GALNT16: variants seen among roughly 807,000 people sequenced by gnomAD.
The protein encoded by GALNT16 is UDP-GalNAc:polypeptide N-acetylgalactosaminyltransferase-like protein 1.
In GALNT16, 40 loss-of-function variants were observed where a neutral mutation model predicts 76.1. The ratio of observed to expected loss-of-function variants is 0.53; its 90% CI spans 0.41 to 0.68. The LOEUF is 0.68. Among genes scored for constraint, GALNT16 ranks in the 30% least tolerant of loss-of-function variants. GALNT16 has a pLI of 0.00. For synonymous variants in GALNT16, 276 were observed against 285.2 expected, an observed-to-expected ratio of 0.97 and a Z score of 0.32; for missense variants, 621 against 731.9, an observed-to-expected ratio of 0.85 and a Z score of 1.75.
intron 2 of GALNT16, among the ~76,000 whole-genome samples, chr14:69,322,925 G>GTGTGT (rs1555400138): frequency 2.9e-5 from 3 of 103,858 alleles, no homozygotes; most frequent in African/African-American, 7.8e-5. Flanking sequence ...TGGCTCACGG[G>GTGTGT]GTGTGTGTGT....
At chr14:69,314,934 C>A (rs2045079682) in intron 1 of GALNT16, among the ~76,000 whole-genome samples, 2 of 152,014 alleles carry the variant, frequency 1.3e-5, no homozygotes, top group African/African-American at 4.8e-5. Context: ...GTTTTACTGG[C>A]AGTAAAAGAA....
In GALNT16 at chr14:69,352,913, G is replaced by A. The variant is rs1393864952; in HGVS notation, c.*745G>A. On this transcript the variant is annotated 3_prime_UTR_variant, in exon 15 of 15. Coordinates refer to ENST00000448469, the MANE Select transcript of GALNT16 (RefSeq NM_001168368.2). ...CTGCCTCTTCCGGTCCTGTGCCTGTGGGTGCCCACATTCTTAGCAAGAGGC... is the reference window on the plus strand; with the variant it reads ...CTGCCTCTTCCGGTCCTGTGCCTGTAGGTGCCCACATTCTTAGCAAGAGGC... 6.6e-6 allele frequency among the ~76,000 whole-genome samples: 1 copy of A among 152,232 alleles called. No homozygotes were observed. The highest frequency in any genetic ancestry group is 1.5e-5 in the Non-Finnish European group (1 of 68,042).
intron 1 of GALNT16, among the ~76,000 whole-genome samples, chr14:69,305,248 C>G (rs1448027600): frequency 6.8e-6 from 1 of 147,748 alleles, no homozygotes; most frequent in Non-Finnish European, 1.5e-5. Flanking sequence ...ACTGAAATCT[C>G]TGCCTCCCCA....
At chr14:69,318,807 G>A (rs1322985480) in intron 1 of GALNT16, among the ~76,000 whole-genome samples, 1 of 152,194 alleles carries the variant, frequency 6.6e-6, no homozygotes, top group Non-Finnish European at 1.5e-5. Flanking sequence ...TGGAGGCTCC[G>A]TTCCATTTCC....
downstream of GALNT16, chr14:69,355,531 C>G (rs2045686737): frequency 6.6e-6 from 1 of 152,516 alleles, no homozygotes; most frequent in Non-Finnish European, 1.5e-5. Context: ...AGGCTCTCTC[C>G]TCTTGCTTGC....
chr14:69,381,767 C>A, the GALNT16 span, among the ~76,000 whole-genome samples: 1 of 152,310 alleles, frequency 6.6e-6, no homozygotes, highest in East Asian at 1.9e-4. Context: ...TGGCTCACTG[C>A]AACCTCTGCC....
At chr14:69,342,854 G>A (rs2045512635) in intron 12 of GALNT16, among the ~76,000 whole-genome samples, 1 of 152,124 alleles carries the variant, frequency 6.6e-6, no homozygotes, top group Non-Finnish European at 1.5e-5. Flanking sequence ...CCTTCCCAGG[G>A]AGACTTTCCC....
chr14:69,264,651 T>C (rs1658481509), intron 1 of GALNT16, among the ~76,000 whole-genome samples: 1 of 152,124 alleles, frequency 6.6e-6, no homozygotes, highest in South Asian at 2.1e-4. Flanking sequence ...ATGATTTGCC[T>C]AAATATAATA....
intron 1 of GALNT16, among the ~76,000 whole-genome samples, chr14:69,320,009 C>T (rs61408451): frequency 2.6e-5 from 4 of 152,224 alleles, no homozygotes; most frequent in Non-Finnish European, 4.4e-5. Flanking sequence ...AATCTGCAGG[C>T]GCTTGGCAGC....
At chr14:69,319,328 G>C (rs1221382908) in intron 1 of GALNT16, among the ~76,000 whole-genome samples, 1 of 152,248 alleles carries the variant, frequency 6.6e-6, no homozygotes, top group Non-Finnish European at 1.5e-5. Context: ...CTGAGCTGCT[G>C]GTGACAGTCC....
At chr14:69,327,247 G>A (rs1185467231) in intron 5 of GALNT16, among the ~76,000 whole-genome samples, 1 of 152,228 alleles carries the variant, frequency 6.6e-6, no homozygotes, top group Non-Finnish European at 1.5e-5. Flanking sequence ...CTACTCAGGA[G>A]GCTGAGGCAG....
chr14:69,302,793 C>A (rs980352634), intron 1 of GALNT16, among the ~76,000 whole-genome samples: 1 of 152,068 alleles, frequency 6.6e-6, no homozygotes, highest in Non-Finnish European at 1.5e-5. Context: ...AACTATATCC[C>A]AATTTGAATT....
At chr14:69,326,663 C>T (rs1319317458) in intron 5 of GALNT16, among the ~76,000 whole-genome samples, 2 of 152,156 alleles carry the variant, frequency 1.3e-5, no homozygotes, top group Admixed American at 1.3e-4. Flanking sequence ...GGCATGCCAG[C>T]TTGTGCACTC....
At chr14:69,294,248 A>G (rs569823260) in intron 1 of GALNT16, among the ~76,000 whole-genome samples, 2 of 152,052 alleles carry the variant, frequency 1.3e-5, no homozygotes, top group South Asian at 4.2e-4. Context: ...CAGCCTCCCA[A>G]GTAGCTGGGA....
chr14:69,372,491 CTTTTTTTT>C, the GALNT16 span, among the ~76,000 whole-genome samples: 1 of 103,776 alleles, frequency 9.6e-6, no homozygotes, highest in East Asian at 2.4e-4. Flanking sequence ...GATCATTAGC[CTTTTTTTT>C]TTTTTTTTTT....
chr14:69,263,375 G>A (rs2044301650), intron 1 of GALNT16, among the ~76,000 whole-genome samples: 1 of 152,362 alleles, frequency 6.6e-6, no homozygotes, highest in East Asian at 1.9e-4. Context: ...GGCAGGTGCA[G>A]CTGAGGATTT....
At chr14:69,342,029 A>C (rs1018386743) in intron 12 of GALNT16, among the ~76,000 whole-genome samples, 23 of 152,320 alleles carry the variant, frequency 1.5e-4, no homozygotes, top group Middle Eastern at 3.4e-3. Context: ...ACTGCATTAC[A>C]TAGCAAAGGC....
the GALNT16 span, among the ~76,000 whole-genome samples, chr14:69,378,838 G>A: frequency 6.6e-6 from 1 of 152,124 alleles, no homozygotes; most frequent in Non-Finnish European, 1.5e-5. Context: ...TCCTCTATTT[G>A]TTAAAGAAAT....
At chr14:69,329,181 A>AG (rs767942384) in intron 6 of GALNT16, among the ~76,000 whole-genome samples, 1 of 152,162 alleles carries the variant, frequency 6.6e-6, no homozygotes, top group Non-Finnish European at 1.5e-5. Context: ...AACATGGTGA[A>AG]ACCCCATCTC....
Sources: gnomAD v4.1 joint callset for allele counts (sites outside exome capture counted in the v4.1 genomes callset) on GRCh38, gnomAD v4.1.1 for gene constraint, MANE v1.5 for transcripts, NCBI Gene and HGNC (gene_info 2026-07-23, HGNC 2026-07-21) for gene names.